MTF2: variants seen among roughly 807,000 people sequenced by gnomAD.
MTF2 encodes metal-response element-binding transcription factor 2.
In MTF2, 11 loss-of-function variants were observed where a neutral mutation model predicts 79.5. The observed-to-expected ratio is 0.14, with a 90% CI of 0.09 to 0.23. MTF2 has a LOEUF of 0.23. Among genes scored for constraint, MTF2 ranks in the 10% least tolerant of loss-of-function variants. The pLI is 1.00. For missense variants in MTF2, 486 were observed against 711.2 expected, an observed-to-expected ratio of 0.68 and a Z score of 3.60; for synonymous variants, 208 against 232.8, an observed-to-expected ratio of 0.89 and a Z score of 0.97.
chr1:93,099,823 T>C (rs1158724492), intron 1 of MTF2, among the ~76,000 whole-genome samples: 1 of 152,040 alleles, frequency 6.6e-6, no homozygotes, highest in Non-Finnish European at 1.5e-5. Context: ...AAATTATCAT[T>C]GACAGTTTGA....
intron 1 of MTF2, among the ~76,000 whole-genome samples, chr1:93,093,055 A>G (rs912300335): frequency 1.3e-5 from 2 of 151,804 alleles, no homozygotes; most frequent in Admixed American, 6.6e-5. Context: ...GGTGGCACAT[A>G]CCTGTAATCC....
chr1:93,088,768 C>T lies in MTF2; in HGVS notation c.5+9237C>T, dbSNP rs574137931. Among the ~76,000 whole-genome samples, 10 of 152,142 alleles carry T rather than the reference C, an allele frequency of 6.6e-5. No individual in the cohort carries two copies. In the East Asian group the frequency reaches 1.5e-3, roughly 23 times the overall value. ...TTTTGGTAGAGATGGTGTTTCACCA[C>T]GTTGGCCAGGCTGGTATGGAACTCC... On this transcript the variant is annotated intron_variant, in intron 1 of 14. Coordinates refer to ENST00000370298, the MANE Select transcript of MTF2 (RefSeq NM_007358.4).
At chr1:93,130,357 C>T (rs903231453) in intron 11 of MTF2, among the ~76,000 whole-genome samples, 1 of 152,186 alleles carries the variant, frequency 6.6e-6, no homozygotes, top group Non-Finnish European at 1.5e-5. Context: ...GCAGGTGGAT[C>T]ACCTGAGGTC....
intron 1 of MTF2, among the ~76,000 whole-genome samples, chr1:93,084,433 A>C (rs1429180909): frequency 6.6e-6 from 1 of 152,178 alleles, no homozygotes; most frequent in Non-Finnish European, 1.5e-5. Context: ...TGAGTCCTCA[A>C]GTTTTTTTCT....
At position 93,093,271 on chromosome 1, in the gene MTF2, A is replaced by G. The variant is rs568178541; in HGVS notation, c.5+13740A>G. Among the ~76,000 whole-genome samples, 29 of 152,302 alleles carry G rather than the reference A, an allele frequency of 1.9e-4. 1 individual carries two copies. The highest frequency in any genetic ancestry group is 6.7e-4 in the African/African-American group (28 of 41,568). On this transcript the variant is annotated intron_variant, in intron 1 of 14. Coordinates refer to ENST00000370298, the MANE Select transcript of MTF2 (RefSeq NM_007358.4). ...TTTTCTTATACAACTATGTTTAAAA[A>G]TTGCCTCATTAAAAAACAAAATTTG...
chr1:93,119,950 T>C (rs1378163121), intron 8 of MTF2: 1 of 152,378 alleles, frequency 6.6e-6, no homozygotes, highest in Non-Finnish European at 1.5e-5. Context: ...TTTTAAGTTA[T>C]ATTTTTTTAA....
At chr1:93,124,422 A>G (rs1656610166) in intron 9 of MTF2, among the ~76,000 whole-genome samples, 1 of 152,004 alleles carries the variant, frequency 6.6e-6, no homozygotes, top group South Asian at 2.1e-4. Context: ...TGATTCTTAA[A>G]GTTATTTGAA....
chr1:93,131,237 T>G (rs551285177), intron 11 of MTF2, among the ~76,000 whole-genome samples: 2 of 152,280 alleles, frequency 1.3e-5, no homozygotes, highest in Admixed American at 1.3e-4. Flanking sequence ...CCAGGAAGTT[T>G]GATGTCATGA....
intron 6 of MTF2, 152 bp downstream of exon 6, chr1:93,115,770 A>G: frequency 1.9e-6 from 1 of 539,318 alleles, no homozygotes; most frequent in Non-Finnish European, 3.0e-6. Flanking sequence ...TTCATAAAAA[A>G]ATAATTTTCA....
chr1:93,094,140 C>G (rs969843890), intron 1 of MTF2, among the ~76,000 whole-genome samples: 24 of 152,066 alleles, frequency 1.6e-4, no homozygotes, highest in Admixed American at 6.6e-5. Context: ...AATCTGGTTA[C>G]TTCTTTCAGT....
intron 11 of MTF2, among the ~76,000 whole-genome samples, chr1:93,130,028 T>G (rs956540754): frequency 3.9e-5 from 6 of 152,140 alleles, no homozygotes; most frequent in Non-Finnish European, 8.8e-5. Context: ...ACTTAAAGAA[T>G]GAGAATGTTA....
At position 93,110,641 on chromosome 1, in the gene MTF2, T is replaced by C; in HGVS notation, c.286+15T>C. ...CATTCAAACAGGCAGGTGCTACTAT[T>C]TCTCTTGAACATGATTTAAATTAAA... On this transcript the variant is annotated intron_variant, in intron 3 of 14. Transcript: ENST00000370298. 1 of 1,578,124 alleles carries C rather than the reference T, an allele frequency of 6.3e-7. No individual in the cohort carries two copies. The highest frequency in any genetic ancestry group is 8.7e-7 in the Non-Finnish European group (1 of 1,150,440).
Position 93,110,306 on chromosome 1 carries a change from T to C in MTF2, c.82T>C (p.Leu28=). Reference sequence around the variant, plus strand: ...TCGAAACCAAAAGACCCCAACATCCTTGACCAAGCTGTCTTTACAGGATGG... The same window carrying C: ...TCGAAACCAAAAGACCCCAACATCCCTGACCAAGCTGTCTTTACAGGATGG... ...LRRNQKTPTS[L]TKLSLQDGHK... is the part of the protein sequence containing the mutation. Residue 28 remains leucine (L), a synonymous_variant, in exon 2 of 15, where the codon TTG becomes CTG. Transcript: ENST00000370298. 1.9e-6 allele frequency: 3 copies of C among 1,614,192 alleles called. No homozygotes were observed. The highest frequency in any genetic ancestry group is 2.5e-6 in the Non-Finnish European group (3 of 1,180,022).
intron 1 of MTF2, among the ~76,000 whole-genome samples, chr1:93,080,192 G>A (rs971247283): frequency 2.6e-5 from 4 of 152,116 alleles, no homozygotes; most frequent in African/African-American, 9.7e-5. Context: ...GGCTTTTCTT[G>A]TGTTTAATTA....
At chr1:93,093,261 A>G (rs12038699) in intron 1 of MTF2, among the ~76,000 whole-genome samples, 76,076 of 152,006 alleles carry the variant, frequency 0.5, 22,419 homozygotes, top group South Asian at 0.68. Flanking sequence ...TTATACAACT[A>G]TGTTTAAAAA....
At chr1:93,116,674 A>T (rs1656261689) in intron 6 of MTF2, among the ~76,000 whole-genome samples, 1 of 151,536 alleles carries the variant, frequency 6.6e-6, no homozygotes, top group African/African-American at 2.4e-5. Flanking sequence ...CTAGTTTTTT[A>T]AGTTTTTTTG....
At chr1:93,089,560 A>C (rs1654985532) in intron 1 of MTF2, among the ~76,000 whole-genome samples, 2 of 152,192 alleles carry the variant, frequency 1.3e-5, no homozygotes, top group Admixed American at 1.3e-4. Context: ...GCCTTTAAAA[A>C]AAAAGAAAGA....
chr1:93,096,197 A>G (rs1557544430), intron 1 of MTF2, among the ~76,000 whole-genome samples: 1 of 152,210 alleles, frequency 6.6e-6, no homozygotes, highest in Non-Finnish European at 1.5e-5. Context: ...AACATCATGT[A>G]TTGTTGAAGA....
chr1:93,122,310 A>G (rs1271793654), intron 9 of MTF2, among the ~76,000 whole-genome samples: 1 of 152,180 alleles, frequency 6.6e-6, no homozygotes, highest in Non-Finnish European at 1.5e-5. Context: ...ACATGATGAA[A>G]TTCTGCAGTA....
Sources: gnomAD v4.1 joint callset for allele counts (sites outside exome capture counted in the v4.1 genomes callset) on GRCh38, gnomAD v4.1.1 for gene constraint, MANE v1.5 for transcripts, NCBI Gene and HGNC (gene_info 2026-07-23, HGNC 2026-07-21) for gene names.